The following ANKRD26 variants were observed in gnomAD, a reference collection of about 807,000 sequenced individuals.
ANKRD26 encodes ankyrin repeat domain-containing protein 26.
In ANKRD26, 141 loss-of-function variants were observed where a neutral mutation model predicts 208.7. That is an observed-to-expected ratio of 0.68 (90% CI 0.59 to 0.78). The LOEUF (loss-of-function observed/expected upper bound fraction) is 0.78, where lower values mean the gene tolerates loss of function less well. ANKRD26 is among the 30% of genes least tolerant of loss of function. The pLI is 0.00. For missense variants in ANKRD26, 1,889 were observed against 1,938.7 expected, an observed-to-expected ratio of 0.97 and a Z score of 0.48; for synonymous variants, 636 against 660.4, an observed-to-expected ratio of 0.96 and a Z score of 0.57.
the ANKRD26 span, among the ~76,000 whole-genome samples, chr10:26,955,137 T>C: frequency 6.6e-6 from 1 of 151,884 alleles, no homozygotes; most frequent in Non-Finnish European, 1.5e-5. Context: ...TTTAAAAATA[T>C]ATATTTTGGG....
At chr10:27,002,673 G>A (rs2052751123), downstream of ANKRD26, among the ~76,000 whole-genome samples, 1 of 152,226 alleles carries the variant, frequency 6.6e-6, no homozygotes, top group Admixed American at 6.5e-5. Context: ...ATAAAATGTT[G>A]TAGGGTCTAT....
At chr10:26,973,481 C>G (rs1164739340), downstream of ANKRD26, among the ~76,000 whole-genome samples, 1 of 147,014 alleles carries the variant, frequency 6.8e-6, no homozygotes, top group Non-Finnish European at 1.5e-5. Context: ...TTTAATCTTT[C>G]TGTTTTTCTG....
At chr10:27,002,493 C>T (rs1375499921), downstream of ANKRD26, among the ~76,000 whole-genome samples, 1 of 152,084 alleles carries the variant, frequency 6.6e-6, no homozygotes, top group Non-Finnish European at 1.5e-5. Context: ...GACATGGTCC[C>T]AGTTAGAGTG....
Position 27,093,712 on chromosome 10 carries a change from G to T in ANKRD26, c.330C>A (p.Asp110Glu). The change falls in exon 2 of 34, where the codon GAC (aspartate) becomes GAA (glutamate). Residue 110 changes from aspartate to glutamate, a missense_variant. Transcript: ENST00000376087. ...TCATCAGAGCTGTCCTGTTTTCGTTGTCACAGACATTGAGCTGGCATTTTC... is the reference window on the plus strand; with the variant it reads ...TCATCAGAGCTGTCCTGTTTTCGTTTTCACAGACATTGAGCTGGCATTTTC... ...VDRKCQLNVC[D>E]NENRTALMKA... is the part of the protein sequence containing the mutation. 1 of 1,614,162 alleles carries T rather than the reference G, an allele frequency of 6.2e-7. No homozygotes were observed. The highest frequency in any genetic ancestry group is 8.5e-7 in the Non-Finnish European group (1 of 1,180,018).
intron 15 of ANKRD26, 121 bp from the exon 16 acceptor site, chr10:27,053,511 T>C: frequency 1.4e-6 from 1 of 717,710 alleles, no homozygotes; most frequent in Non-Finnish European, 2.2e-6. Flanking sequence ...GGTTTTCTTC[T>C]ATTTGTTTAT....
At chr10:27,068,425 CTGGGGT>C (rs2055346296) in intron 9 of ANKRD26, among the ~76,000 whole-genome samples, 1 of 152,146 alleles carries the variant, frequency 6.6e-6, no homozygotes, top group South Asian at 2.1e-4. Context: ...ATTACCCAGT[CTGGGGT>C]ATTTCTTTTT....
chr10:27,063,879 C>T (rs1431334033), intron 12 of ANKRD26, 109 bp downstream of exon 12: 2 of 882,310 alleles, frequency 2.3e-6, no homozygotes, highest in African/African-American at 3.4e-5. Context: ...TTTATTCTTA[C>T]TATGCATTTA....
chr10:26,998,743 C>T (rs1013834307), intron 4 of ANKRD26, among the ~76,000 whole-genome samples: 11 of 152,210 alleles, frequency 7.2e-5, no homozygotes, highest in Admixed American at 2.0e-4. Context: ...TAGGGTCCCC[C>T]TTTTCCCATC....
rs2052824080 is a variant in ANKRD26 at position 27,005,067 on chromosome 10, AAAAATAAAT to A, written c.*514_*522del. On this transcript the variant is annotated 3_prime_UTR_variant, in exon 34 of 34. Transcript: ENST00000376087. Reference sequence around the variant, plus strand: ...GAAGGCTATTTCCAAAAGGTTAATTAAAAATAAATAAACAAACAGAAAAGGTGAATCAGG... The same window carrying A: ...GAAGGCTATTTCCAAAAGGTTAATTAAAACAAACAGAAAAGGTGAATCAGG... 9.1e-6 allele frequency: 9 copies of A among 984,930 alleles called. No individual in the cohort carries two copies. Among genetic ancestry groups the A allele is most frequent in the Non-Finnish European group, 1.1e-5 (9 of 829,458 alleles). 61.0% of individuals were successfully genotyped at this position (984,930 alleles called of 1,614,324 possible). A position where few individuals can be genotyped will look rare whatever the true frequency, so the allele number is the denominator to read the frequency against.
In ANKRD26 at chr10:27,064,008, A is replaced by G. The variant is rs767212936; in HGVS notation, c.1343T>C (p.Ile448Thr). The part of the protein sequence containing the change: ...AGAADGKEKN[I>T]GNEQAEDVFY... ...CTTACCTTCTGCTTGTTCATTTCCT[A>G]TATTTTTTTCTTTTCCGTCTGCAGC... The change falls in exon 12 of 34, where the codon ATA (isoleucine) becomes ACA (threonine). Residue 448 changes from isoleucine to threonine, a missense_variant. Coordinates refer to ENST00000376087, the MANE Select transcript of ANKRD26 (RefSeq NM_014915.3). The G allele has an allele frequency of 8.7e-6, 14 of 1,609,652 alleles. No individual in the cohort carries two copies. The highest frequency in any genetic ancestry group is 1.7e-4 in the Middle Eastern group (1 of 6,054).
chr10:27,051,781 T>C (rs1589287688), intron 16 of ANKRD26: 2 of 985,368 alleles, frequency 2.0e-6, no homozygotes, highest in Admixed American at 6.1e-5. Context: ...ATATTATTTG[T>C]CAAAGAAGAA....
At chr10:26,950,958 T>C in the ANKRD26 span, among the ~76,000 whole-genome samples, 1 of 151,950 alleles carries the variant, frequency 6.6e-6, no homozygotes, top group South Asian at 2.1e-4. Flanking sequence ...TAACTACATT[T>C]ATGTTCCATT....
chr10:26,997,789 G>C (rs889212845), intron 4 of ANKRD26, among the ~76,000 whole-genome samples: 16 of 152,208 alleles, frequency 1.1e-4, no homozygotes, highest in African/African-American at 3.6e-4. Context: ...CGCCACAGCT[G>C]TGGCTTGTTT....
At chr10:26,989,639 G>C (rs141528369), downstream of ANKRD26, among the ~76,000 whole-genome samples, 148 of 152,122 alleles carry the variant, frequency 9.7e-4, no homozygotes, top group Non-Finnish European at 1.9e-3. Flanking sequence ...ACCTGTTACT[G>C]ATTGTTCCCT....
At chr10:27,078,971 C>A in intron 7 of ANKRD26, 118 bp downstream of exon 7, 1 of 750,446 alleles carries the variant, frequency 1.3e-6, no homozygotes. Context: ...CTTCCCCTGA[C>A]CACCTTTCCA....
At chr10:27,095,072 A>G (rs530090269) in intron 1 of ANKRD26, among the ~76,000 whole-genome samples, 2 of 152,296 alleles carry the variant, frequency 1.3e-5, no homozygotes, top group South Asian at 4.1e-4. Flanking sequence ...TCACATTTCA[A>G]TATCTCTGAC....
At chr10:27,066,681 A>G in intron 10 of ANKRD26, 133 bp from the exon 11 acceptor site, 2 of 607,626 alleles carry the variant, frequency 3.3e-6, no homozygotes, top group Admixed American at 6.9e-5. Flanking sequence ...TAGCAAAAAA[A>G]GAATTTCACA....
chr10:26,956,915 T>C, the ANKRD26 span, among the ~76,000 whole-genome samples: 1 of 152,362 alleles, frequency 6.6e-6, no homozygotes, highest in South Asian at 2.1e-4. Flanking sequence ...TCTAAAGGAA[T>C]ATGTCATCAG....
chr10:27,069,442 A>T (rs1007395678), intron 9 of ANKRD26, among the ~76,000 whole-genome samples: 1 of 152,032 alleles, frequency 6.6e-6, no homozygotes, highest in Non-Finnish European at 1.5e-5. Context: ...ACATATTAAT[A>T]TAAAATTTGA....
Sources: allele counts gnomAD v4.1 joint callset (sites outside exome capture counted in the v4.1 genomes callset), GRCh38; gene constraint gnomAD v4.1.1; transcripts MANE v1.5; gene names NCBI Gene and HGNC (gene_info 2026-07-23, HGNC 2026-07-21).